LRRC4C: variants seen among roughly 807,000 people sequenced by gnomAD.
The protein encoded by LRRC4C is leucine-rich repeat-containing protein 4C.
In LRRC4C, 5 loss-of-function variants were observed where a neutral mutation model predicts 33.6. That is an observed-to-expected ratio of 0.15 (90% confidence interval 0.08 to 0.31). The LOEUF (loss-of-function observed/expected upper bound fraction) is 0.31. Ranked by LOEUF, LRRC4C falls within the 10% of genes least tolerant of loss-of-function variation. The probability of loss-of-function intolerance (pLI) is 1.00; values close to 1 mark genes in which losing one functional copy is unlikely to be tolerated. For missense variants in LRRC4C, 560 were observed against 796.7 expected (o/e 0.70, Z 3.58); for synonymous variants, 329 against 302.0 (o/e 1.09, Z -0.93).
intron 3 of LRRC4C, among the ~76,000 whole-genome samples, chr11:40,490,915 T>C (rs2138512084): frequency 6.6e-6 from 1 of 152,262 alleles, no homozygotes. Context: ...CCTGAGTGAC[T>C]GTACTGCTTG....
intron 2 of LRRC4C, among the ~76,000 whole-genome samples, chr11:40,892,067 G>A (rs1210965528): frequency 1.3e-5 from 2 of 150,306 alleles, no homozygotes; most frequent in Admixed American, 6.7e-5. Context: ...CCCGTGAGGC[G>A]GAGCTTGCAG....
chr11:41,263,777 T>C (rs1949058590), intron 1 of LRRC4C, among the ~76,000 whole-genome samples: 1 of 152,118 alleles, frequency 6.6e-6, no homozygotes, highest in African/African-American at 2.4e-5. Flanking sequence ...CAGTGTCTAC[T>C]CATAGTAGAA....
intron 3 of LRRC4C, among the ~76,000 whole-genome samples, chr11:40,510,912 A>C (rs1020854667): frequency 1.3e-5 from 2 of 152,200 alleles, no homozygotes; most frequent in African/African-American, 4.8e-5. Context: ...TTTTGAAAAA[A>C]ACTGATACTT....
intron 3 of LRRC4C, among the ~76,000 whole-genome samples, chr11:40,407,687 A>G (rs745414668): frequency 2.0e-5 from 3 of 152,104 alleles, no homozygotes; most frequent in Non-Finnish European, 4.4e-5. Flanking sequence ...GAAACACAAA[A>G]TTAATAGCTT....
intron 2 of LRRC4C, among the ~76,000 whole-genome samples, chr11:40,761,076 A>ATTATTATGTTTATGATTATGTTT: frequency 6.6e-6 from 1 of 151,616 alleles, no homozygotes; most frequent in Non-Finnish European, 1.5e-5. Flanking sequence ...CCACTTGGTT[A>ATTATTATGTTTATGATTATGTTT]TTATTATGTT....
intron 2 of LRRC4C, among the ~76,000 whole-genome samples, chr11:40,924,605 A>G (rs1306751516): frequency 6.6e-6 from 1 of 152,124 alleles, no homozygotes; most frequent in Non-Finnish European, 1.5e-5. Context: ...TACAGTAAAT[A>G]ATTTGCCATG....
chr11:40,738,018 C>G lies in LRRC4C; in HGVS notation c.-406-89740G>C, dbSNP rs546829637. ...AAACAGCATGGTACTGGTACCAAAACAGATATCTAGACCAATGGAACAGAA... is the reference window on the plus strand; with the variant it reads ...AAACAGCATGGTACTGGTACCAAAAGAGATATCTAGACCAATGGAACAGAA... On this transcript the variant is annotated intron_variant, in intron 2 of 6. Coordinates refer to ENST00000528697, the MANE Select transcript of LRRC4C (RefSeq NM_001258419.2). Among the ~76,000 whole-genome samples, 3 of 152,260 alleles carry G rather than the reference C, an allele frequency of 2.0e-5. No homozygotes were observed. The South Asian group carries it at 6.2e-4, about 32-fold the overall frequency.
At chr11:40,412,184 T>A (rs1486234108) in intron 3 of LRRC4C, among the ~76,000 whole-genome samples, 1 of 152,026 alleles carries the variant, frequency 6.6e-6, no homozygotes, top group African/African-American at 2.4e-5. Flanking sequence ...TAAAAATAAG[T>A]CATAATTTTG....
At position 40,408,177 on chromosome 11, in the gene LRRC4C, G is replaced by A. The variant is rs576185114; in HGVS notation, c.-269-88456C>T. Among the ~76,000 whole-genome samples, 21 of 151,950 alleles carry A rather than the reference G, an allele frequency of 1.4e-4. No individual in the cohort carries two copies. In the East Asian group the frequency reaches 2.7e-3, roughly 20 times the overall value. ...CAGTTTTCAATTAATAAACTATTTC[G>A]ATTCTAGAAGTCCGAAACTATACTC... On this transcript the variant is annotated intron_variant, in intron 3 of 6. Coordinates refer to ENST00000528697, the MANE Select transcript of LRRC4C (RefSeq NM_001258419.2).
At chr11:40,989,633 T>A (rs546164734) in intron 1 of LRRC4C, among the ~76,000 whole-genome samples, 6 of 152,310 alleles carry the variant, frequency 3.9e-5, no homozygotes, top group African/African-American at 1.4e-4. Flanking sequence ...TAAGGCTTAC[T>A]ATTTTTACTC....
intron 1 of LRRC4C, among the ~76,000 whole-genome samples, chr11:41,432,179 C>T (rs566766404): frequency 2.6e-5 from 4 of 152,162 alleles, no homozygotes; most frequent in African/African-American, 9.7e-5. Context: ...AAATTAAGTA[C>T]CTACCCATCT....
At chr11:40,327,320 A>ATT (rs78439331) in intron 3 of LRRC4C, among the ~76,000 whole-genome samples, 2 of 151,804 alleles carry the variant, frequency 1.3e-5, no homozygotes, top group African/African-American at 2.4e-5. Context: ...TAGAGAGGCC[A>ATT]TTTTTTTCAT....
chr11:40,705,202 T>C lies in LRRC4C; in HGVS notation c.-406-56924A>G, dbSNP rs180734258. Among the ~76,000 whole-genome samples, 83 of 152,230 alleles carry C rather than the reference T, an allele frequency of 5.5e-4. No homozygotes were observed. The Middle Eastern group carries it at 0.01, about 19-fold the overall frequency. ...CAGTTTCAAACTCAGATTTTGTTTT[T>C]ATTTTAGTTTTTTTATTATTATACT... On this transcript the variant is annotated intron_variant, in intron 2 of 6. Coordinates refer to ENST00000528697, the MANE Select transcript of LRRC4C (RefSeq NM_001258419.2).
intron 3 of LRRC4C, among the ~76,000 whole-genome samples, chr11:40,423,180 T>C (rs1950582670): frequency 6.6e-6 from 1 of 152,062 alleles, no homozygotes; most frequent in African/African-American, 2.4e-5. Context: ...AACTTATTGT[T>C]TTATTTCTAG....
intron 1 of LRRC4C, among the ~76,000 whole-genome samples, chr11:40,997,278 T>C (rs895686272): frequency 6.6e-6 from 1 of 151,812 alleles, no homozygotes; most frequent in Non-Finnish European, 1.5e-5. Flanking sequence ...ACCTATAATA[T>C]GAGTGAAAAG....
At chr11:40,760,945 C>T (rs1249622671) in intron 2 of LRRC4C, among the ~76,000 whole-genome samples, 1 of 149,410 alleles carries the variant, frequency 6.7e-6, no homozygotes, top group African/African-American at 2.5e-5. Context: ...GTCTCAAACT[C>T]CTGACCCCAA....
chr11:41,059,210 G>T (rs368156742), intron 1 of LRRC4C, among the ~76,000 whole-genome samples: 20 of 125,186 alleles, frequency 1.6e-4, no homozygotes, highest in East Asian at 7.8e-4. Flanking sequence ...TAAAATAAAA[G>T]TTTTTTTTTT....
At chr11:40,187,807 G>A (rs1033374364) in intron 5 of LRRC4C, among the ~76,000 whole-genome samples, 1 of 152,074 alleles carries the variant, frequency 6.6e-6, no homozygotes, top group Non-Finnish European at 1.5e-5. Flanking sequence ...TCAATACCCT[G>A]TAGAGAACAG....
chr11:40,523,357 T>G (rs962024095), intron 3 of LRRC4C, among the ~76,000 whole-genome samples: 2 of 151,826 alleles, frequency 1.3e-5, no homozygotes, highest in East Asian at 3.9e-4. Context: ...TCAAGTCCTT[T>G]CTCATTTTTA....
Sources: gnomAD v4.1 joint callset for allele counts (sites outside exome capture counted in the v4.1 genomes callset) on GRCh38, gnomAD v4.1.1 for gene constraint, MANE v1.5 for transcripts, NCBI Gene and HGNC (gene_info 2026-07-23, HGNC 2026-07-21) for gene names.